AGTPBP1: variants seen among roughly 807,000 people sequenced by gnomAD.
AGTPBP1 encodes the protein ATP/GTP binding carboxypeptidase 1, also known as cytosolic carboxypeptidase 1.
In AGTPBP1, 70 loss-of-function variants were observed where a neutral mutation model predicts 143.9. That is an observed-to-expected ratio of 0.49 (90% CI 0.40 to 0.59). AGTPBP1 has a LOEUF of 0.59. Ranked by LOEUF, AGTPBP1 falls within the 20% of genes least tolerant of loss-of-function variation. The pLI is 0.00. For missense variants in AGTPBP1, 1,229 were observed against 1,464.5 expected, an observed-to-expected ratio of 0.84 and a Z score of 2.62; for synonymous variants, 463 against 500.2, an observed-to-expected ratio of 0.93 and a Z score of 0.99.
intron 3 of AGTPBP1, 28 bp downstream of exon 3, chr9:85,692,661 C>T: frequency 6.3e-7 from 1 of 1,597,044 alleles, no homozygotes; most frequent in Non-Finnish European, 8.5e-7. Flanking sequence ...AAAAGCATTT[C>T]AAAAACAAAG....
At chr9:85,756,081 A>G in the AGTPBP1 span, 4 of 1,540,070 alleles carry the variant, frequency 2.6e-6, no homozygotes, top group Non-Finnish European at 3.5e-6. Flanking sequence ...TAGAAATTGG[A>G]TAAGCAAAAG....
chr9:85,699,607 A>G (rs1336625296), intron 2 of AGTPBP1, among the ~76,000 whole-genome samples: 1 of 151,956 alleles, frequency 6.6e-6, no homozygotes, highest in Non-Finnish European at 1.5e-5. Context: ...AACAGCAAAA[A>G]AAAAAACCAT....
chr9:85,747,882 C>A, the AGTPBP1 span, among the ~76,000 whole-genome samples: 1 of 152,070 alleles, frequency 6.6e-6, no homozygotes, highest in Non-Finnish European at 1.5e-5. Context: ...TATATTCAAG[C>A]AATACTTTGC....
At chr9:85,716,549 CT>C (rs1344674426) in intron 1 of AGTPBP1, among the ~76,000 whole-genome samples, 1 of 152,202 alleles carries the variant, frequency 6.6e-6, no homozygotes, top group East Asian at 1.9e-4. Context: ...AATTCAAAAC[CT>C]TAGCTTCATC....
the AGTPBP1 span, among the ~76,000 whole-genome samples, chr9:85,752,790 G>A: frequency 1.1e-4 from 17 of 152,220 alleles, no homozygotes; most frequent in African/African-American, 3.6e-4. Flanking sequence ...GAGCATCACC[G>A]GAGGCCAGGA....
chr9:85,742,675 A>G (rs1339738504), upstream of AGTPBP1, among the ~76,000 whole-genome samples: 1 of 152,244 alleles, frequency 6.6e-6, no homozygotes, highest in African/African-American at 2.4e-5. Context: ...TAAGTTGGCT[A>G]CTGAAGGCAA....
At chr9:85,553,531 C>A (rs561191419) in intron 25 of AGTPBP1, among the ~76,000 whole-genome samples, 5 of 152,252 alleles carry the variant, frequency 3.3e-5, no homozygotes, top group African/African-American at 1.2e-4. Flanking sequence ...TTCTAACTTA[C>A]GGTATTTTCA....
At chr9:85,673,584 CAG>C (rs1173875194) in intron 6 of AGTPBP1, among the ~76,000 whole-genome samples, 1 of 151,750 alleles carries the variant, frequency 6.6e-6, no homozygotes, top group African/African-American at 2.4e-5. Context: ...GAGATTAAAA[CAG>C]TAAAAAAAAT....
At chr9:85,566,689 C>G (rs1473286022) in intron 25 of AGTPBP1, among the ~76,000 whole-genome samples, 1 of 151,948 alleles carries the variant, frequency 6.6e-6, no homozygotes, top group African/African-American at 2.4e-5. Flanking sequence ...CTCCTTGGAC[C>G]GGAAAAAGAA....
chr9:85,577,931 T>C (rs1042713122), intron 24 of AGTPBP1, among the ~76,000 whole-genome samples: 2 of 152,180 alleles, frequency 1.3e-5, no homozygotes, highest in Admixed American at 6.5e-5. Flanking sequence ...AGATGTTTCT[T>C]TTCAAACACA....
intron 2 of AGTPBP1, among the ~76,000 whole-genome samples, chr9:85,699,548 A>T (rs1394537344): frequency 1.3e-5 from 2 of 152,168 alleles, no homozygotes; most frequent in Non-Finnish European, 2.9e-5. Flanking sequence ...ATATAAATCA[A>T]ATGCAGGCAA....
At chr9:85,721,490 CT>C (rs56681803) in intron 1 of AGTPBP1, among the ~76,000 whole-genome samples, 28,390 of 133,010 alleles carry the variant, frequency 0.21, 3,503 homozygotes, top group East Asian at 0.69. Context: ...GCAACCCCTG[CT>C]TTTTTTTTTT....
At chr9:85,794,281 C>T in the AGTPBP1 span, among the ~76,000 whole-genome samples, 2 of 152,100 alleles carry the variant, frequency 1.3e-5, no homozygotes, top group African/African-American at 4.8e-5. Flanking sequence ...GAGAAGAGCA[C>T]TTTACAGTTT....
At chr9:85,685,150 T>C (rs1232600728) in intron 3 of AGTPBP1, among the ~76,000 whole-genome samples, 3 of 151,632 alleles carry the variant, frequency 2.0e-5, no homozygotes, top group African/African-American at 7.3e-5. Context: ...AAAAATCTAA[T>C]ACATGTATAA....
chr9:85,679,583 T>C (rs892233191), intron 4 of AGTPBP1, among the ~76,000 whole-genome samples: 1 of 152,090 alleles, frequency 6.6e-6, no homozygotes, highest in African/African-American at 2.4e-5. Context: ...AATTTTTTTG[T>C]ATTTTTAGTA....
chr9:85,766,118 TAGA>T, the AGTPBP1 span, among the ~76,000 whole-genome samples: 1 of 133,306 alleles, frequency 7.5e-6, no homozygotes, highest in Non-Finnish European at 1.6e-5. Flanking sequence ...CTATAGAAGA[TAGA>T]AGAAGCCAAA....
chr9:85,581,524 A>G (rs1278003939), intron 23 of AGTPBP1, among the ~76,000 whole-genome samples: 2 of 152,242 alleles, frequency 1.3e-5, no homozygotes, highest in Admixed American at 1.3e-4. Context: ...CTATAGTTAT[A>G]ATTAATTCAT....
At chr9:85,708,579 C>T (rs996913332) in intron 2 of AGTPBP1, among the ~76,000 whole-genome samples, 4 of 152,166 alleles carry the variant, frequency 2.6e-5, no homozygotes, top group Admixed American at 2.0e-4. Context: ...ACTCTTTCAC[C>T]GAGGCCGGAG....
At chr9:85,716,024 CCTT>C (rs151013470) in intron 1 of AGTPBP1, among the ~76,000 whole-genome samples, 4,312 of 152,256 alleles carry the variant, frequency 0.028, 190 homozygotes, top group African/African-American at 0.098. Context: ...CCATTTCTCT[CCTT>C]CTGAAAGCAA....
Sources: gnomAD v4.1 joint callset for allele counts (sites outside exome capture counted in the v4.1 genomes callset) on GRCh38, gnomAD v4.1.1 for gene constraint, MANE v1.5 for transcripts, NCBI Gene and HGNC (gene_info 2026-07-23, HGNC 2026-07-21) for gene names.